Variants in LRRK1 observed in about 807,000 individuals in gnomAD.
LRRK1 encodes leucine-rich repeat serine/threonine-protein kinase 1.
In LRRK1, 113 loss-of-function variants were observed where a neutral mutation model predicts 209.1. The observed-to-expected ratio is 0.54, with a 90% CI of 0.46 to 0.63. The LOEUF (loss-of-function observed/expected upper bound fraction) is 0.63, where lower values mean the gene tolerates loss of function less well. LRRK1 is among the 30% of genes least tolerant of loss of function. The pLI is 0.00. For missense variants in LRRK1, 2,284 were observed against 2,632.2 expected, an observed-to-expected ratio of 0.87 and a Z score of 2.89; for synonymous variants, 1,144 against 1,099.7, an observed-to-expected ratio of 1.04 and a Z score of -0.80.
At chr15:100,980,700 T>A (rs1002710279) in intron 3 of LRRK1, among the ~76,000 whole-genome samples, 6 of 3,196 alleles carry the variant, frequency 1.9e-3, no homozygotes, top group African/African-American at 2.1e-3. Flanking sequence ...AAGCAAAAAG[T>A]TAAAAAAAAA....
At chr15:101,018,119 T>G (rs2033623299) in intron 12 of LRRK1, among the ~76,000 whole-genome samples, 1 of 149,272 alleles carries the variant, frequency 6.7e-6, no homozygotes, top group Non-Finnish European at 1.5e-5. Flanking sequence ...GCAACACAAA[T>G]TGTTGCAACA....
intron 23 of LRRK1, 96 bp downstream of exon 23, chr15:101,049,879 T>G (rs2035304219): frequency 7.3e-7 from 1 of 1,375,152 alleles, no homozygotes; most frequent in African/African-American, 1.4e-5. Context: ...AAAATCCCAC[T>G]GGGATTCAGC....
chr15:101,065,497 G>A lies in LRRK1; in HGVS notation c.5060G>A (p.Arg1687Gln), dbSNP rs772139995. ...TTCAGCATCGCGGATGAAGACGCAC[G>A]GCAGAACCCCTACCCAGTGAAGGCC... ...SKFSIADEDA[R>Q]QNPYPVKAME... The change falls in exon 32 of 34, where the codon CGG becomes CAG. Residue 1687 changes from arginine to glutamine, a missense_variant. Physicochemically the swap from Arg to Gln is conservative, Grantham distance 43. Transcript: ENST00000388948. 3.7e-6 allele frequency: 6 copies of A among 1,614,064 alleles called. No individual in the cohort carries two copies. Among genetic ancestry groups the A allele is most frequent in the Non-Finnish European group, 5.1e-6 (6 of 1,180,048 alleles).
At chr15:100,929,195 G>A (rs1364327273) in intron 2 of LRRK1, among the ~76,000 whole-genome samples, 1 of 152,200 alleles carries the variant, frequency 6.6e-6, no homozygotes, top group Non-Finnish European at 1.5e-5. Flanking sequence ...ACATAATTCA[G>A]GTGGAGAATA....
intron 6 of LRRK1, among the ~76,000 whole-genome samples, chr15:100,992,953 G>A (rs1596246846): frequency 1.3e-5 from 2 of 152,276 alleles, no homozygotes; most frequent in Middle Eastern, 6.8e-3. Context: ...GAGCCACCGT[G>A]CCCGGCCCAT....
Position 101,027,741 on chromosome 15 carries a change from A to T in LRRK1, c.2630A>T (p.Gln877Leu). ...TACCTGACGGACAGGCAGCTGGAGCAGCTGGTGGAGCAGACGCCCGACAAC... is the reference window on the plus strand; with the variant it reads ...TACCTGACGGACAGGCAGCTGGAGCTGCTGGTGGAGCAGACGCCCGACAAC... ...VQYLTDRQLE[Q>L]LVEQTPDNDI... Residue 877 changes from glutamine (Q) to leucine (L), a missense_variant, in exon 19 of 34, where the codon CAG (glutamine) becomes CTG (leucine). By Grantham distance (113) the Gln-to-Leu change is moderately radical. Coordinates refer to ENST00000388948, the MANE Select transcript of LRRK1 (RefSeq NM_024652.6). This position sits in a 1 kb window ranked among gnomAD's most constrained non-coding sequence, Gnocchi z 5.1. 1 of 1,608,242 alleles carries T rather than the reference A, an allele frequency of 6.2e-7. No individual in the cohort carries two copies. The highest frequency in any genetic ancestry group is 8.5e-7 in the Non-Finnish European group (1 of 1,177,654).
intron 2 of LRRK1, among the ~76,000 whole-genome samples, chr15:100,941,482 G>GTCTGTGTGTGTCTATGTC (rs2042435730): frequency 2.7e-5 from 4 of 147,634 alleles, no homozygotes; most frequent in African/African-American, 1.0e-4. Context: ...GTGTGTGTGT[G>GTCTGTGTGTGTCTATGTC]TGTGTGTGTG....
intron 2 of LRRK1, among the ~76,000 whole-genome samples, chr15:100,926,688 T>G (rs969549726): frequency 2.2e-5 from 3 of 136,076 alleles, no homozygotes; most frequent in African/African-American, 5.5e-5. Flanking sequence ...TTCTTTTTTT[T>G]TTTTTTTTTT....
Position 101,058,095 on chromosome 15 carries a change from G to C in LRRK1, c.4633G>C (p.Gly1545Arg), listed in dbSNP as rs1373624280. 1 of 1,614,154 alleles carries C rather than the reference G, an allele frequency of 6.2e-7. No homozygotes were observed. The highest frequency in any genetic ancestry group is 8.5e-7 in the Non-Finnish European group (1 of 1,180,034). ...GKQTAFFSSQ[G>R]QEYTVVFWDG... ...GCAGACAGCCTTCTTCTCATCCCAG[G>C]GCCAGGAGTACACCGTGGTGTTTTG... is the stretch of plus-strand genomic sequence containing the variant. Residue 1545 changes from glycine to arginine, a missense_variant, in exon 29 of 34, where the codon GGC (glycine) becomes CGC (arginine). Physicochemically the swap from Gly to Arg is moderately radical, Grantham distance 125. Around this residue, in one of 6 missense-constraint regions of LRRK1, gnomAD observed 643 missense variants for 695.9 expected, o/e 0.92. Transcript: ENST00000388948.
intron 2 of LRRK1, among the ~76,000 whole-genome samples, chr15:100,949,868 A>G (rs543600627): frequency 2.0e-4 from 31 of 152,258 alleles, no homozygotes; most frequent in African/African-American, 7.5e-4. Context: ...CCTCAATCTG[A>G]TAAACTGCAT....
chr15:101,057,904 T>G (rs557231899), intron 28 of LRRK1, 86 bp from the exon 29 acceptor site: 1 of 1,422,670 alleles, frequency 7.0e-7, no homozygotes, highest in East Asian at 2.3e-5. Flanking sequence ...TCCTCCCTGG[T>G]TGGGGCTGGC....
chr15:101,054,150 T>C (rs747115650), intron 26 of LRRK1, among the ~76,000 whole-genome samples: 1 of 152,148 alleles, frequency 6.6e-6, no homozygotes, highest in Non-Finnish European at 1.5e-5. Context: ...TTTGTTGTTG[T>C]TGTTTGTAGA....
At chr15:100,979,431 A>G (rs1219373784) in intron 3 of LRRK1, among the ~76,000 whole-genome samples, 1 of 152,182 alleles carries the variant, frequency 6.6e-6, no homozygotes, top group Non-Finnish European at 1.5e-5. Context: ...ATTGCTGGCA[A>G]TTCTAGCCAA....
chr15:101,016,037 TG>T (rs2033522999), intron 12 of LRRK1, among the ~76,000 whole-genome samples: 1 of 151,558 alleles, frequency 6.6e-6, no homozygotes. Context: ...TCGCCCAGGC[TG>T]GAGTGCAGTG....
At chr15:100,930,230 G>GTGTTGCCCTCCC (rs2042185764) in intron 2 of LRRK1, among the ~76,000 whole-genome samples, 1 of 152,204 alleles carries the variant, frequency 6.6e-6, no homozygotes. Context: ...AAAAGCAGAT[G>GTGTTGCCCTCCC]TGTTGCCCTC....
At position 101,053,303 on chromosome 15, in the gene LRRK1, G is replaced by A. The variant is rs774091908; in HGVS notation, c.3937G>A (p.Ala1313Thr). 19 of 1,605,764 alleles carry A rather than the reference G, an allele frequency of 1.2e-5. No individual in the cohort carries two copies. In the Middle Eastern group the frequency reaches 8.2e-4, roughly 70 times the overall value. The change falls in exon 26 of 34, where the codon GCG (alanine) becomes ACG (threonine). Residue 1313 changes from alanine (A) to threonine (T), a missense_variant. Transcript: ENST00000388948. ...CCGGCAGGAGGCCAGCATGCTGCAC[G>A]CGCTGCAGCACCCCTGCATCGTGGC... ...EFRQEASMLHALQHPCIVALI... is the reference protein window; with the variant it reads ...EFRQEASMLHTLQHPCIVALI...
chr15:101,051,969 C>T lies in LRRK1; in HGVS notation c.3689+9C>T, dbSNP rs767626906. On this transcript the variant is annotated intron_variant, in intron 24 of 33. Coordinates refer to ENST00000388948, the MANE Select transcript of LRRK1 (RefSeq NM_024652.6). ...ACCGACTTCCCGGCCAGGTATGCCC[C>T]GAAGGCCCCTCCCAGAACACAGTGC... The T allele has an allele frequency of 4.0e-5, 65 of 1,611,302 alleles. No homozygotes were observed. Among genetic ancestry groups the T allele is most frequent in the South Asian group, 9.9e-5 (9 of 90,848 alleles).
intron 31 of LRRK1, among the ~76,000 whole-genome samples, chr15:101,063,021 G>T (rs2036281654): frequency 6.6e-6 from 1 of 152,152 alleles, no homozygotes; most frequent in South Asian, 2.1e-4. Context: ...CCTATCCGGA[G>T]CCTCTTCCCC....
chr15:100,922,585 T>G (rs1023967278), intron 1 of LRRK1, among the ~76,000 whole-genome samples: 1 of 152,206 alleles, frequency 6.6e-6, no homozygotes, highest in Non-Finnish European at 1.5e-5. Flanking sequence ...ATGGCAACTG[T>G]GCTTCTCAGT....
Sources: allele counts gnomAD v4.1 joint callset (sites outside exome capture counted in the v4.1 genomes callset), GRCh38; gene constraint gnomAD v4.1.1; regional missense constraint gnomAD v4.1.1; non-coding constraint Gnocchi (gnomAD v3.1); transcripts MANE v1.5; gene names NCBI Gene and HGNC (gene_info 2026-07-23, HGNC 2026-07-21).